Variants in OLFM2 observed in about 807,000 individuals in gnomAD.
OLFM2 encodes the protein noelin-2.
In OLFM2, 20 loss-of-function variants were observed where a neutral mutation model predicts 43.9. The observed-to-expected ratio is 0.46, with a 90% CI of 0.32 to 0.66. OLFM2 has a LOEUF of 0.66. Among genes scored for constraint, OLFM2 ranks in the 30% least tolerant of loss-of-function variants. The probability of loss-of-function intolerance (pLI) is 0.04; values close to 1 mark genes in which losing one functional copy is unlikely to be tolerated. For missense variants in OLFM2, 416 were observed against 643.6 expected (o/e 0.65, Z 3.83); for synonymous variants, 268 against 278.6 (o/e 0.96, Z 0.38).
At chr19:9,919,864 G>A (rs901441736) in intron 1 of OLFM2, among the ~76,000 whole-genome samples, 10 of 142,886 alleles carry the variant, frequency 7.0e-5, no homozygotes, top group African/African-American at 1.1e-4. Context: ...GTGAGAGCTC[G>A]GCTCACTGCA....
chr19:9,885,495 T>C (rs564935835), intron 1 of OLFM2, among the ~76,000 whole-genome samples: 3 of 152,258 alleles, frequency 2.0e-5, no homozygotes, highest in East Asian at 3.9e-4. Flanking sequence ...ACTGCCTAGA[T>C]GTACCCACCC....
At chr19:9,920,998 T>C (rs564274764) in intron 1 of OLFM2, among the ~76,000 whole-genome samples, 6 of 152,334 alleles carry the variant, frequency 3.9e-5, no homozygotes, top group Admixed American at 3.3e-4. Flanking sequence ...GAGATTTATT[T>C]AGTACTATCA....
chr19:9,936,421 G>T lies in OLFM2; in HGVS notation c.-55C>A. 1 of 1,165,080 alleles carries T rather than the reference G, an allele frequency of 8.6e-7. No homozygotes were observed. The highest frequency in any genetic ancestry group is 1.1e-6 in the Non-Finnish European group (1 of 946,540). 72.2% of individuals were successfully genotyped at this position (1,165,080 alleles called of 1,614,324 possible). A position where few individuals can be genotyped will look rare whatever the true frequency, so the allele number is the denominator to read the frequency against. On this transcript the variant is annotated 5_prime_UTR_variant, in exon 1 of 6. Coordinates refer to ENST00000264833, the MANE Select transcript of OLFM2 (RefSeq NM_058164.4). ...CCGCCCGCCCTAGCGGCGCCTCGGC[G>T]CGGGGACCGCCACCAGGCGCGACCC...
chr19:9,895,486 C>A (rs919918150), intron 1 of OLFM2, among the ~76,000 whole-genome samples: 38 of 142,846 alleles, frequency 2.7e-4, no homozygotes, highest in Non-Finnish European at 5.3e-4. Flanking sequence ...CAGAGTGAGA[C>A]CCTGTCTCAA....
chr19:9,918,382 G>A (rs2086399191), intron 1 of OLFM2, among the ~76,000 whole-genome samples: 1 of 151,834 alleles, frequency 6.6e-6, no homozygotes. Flanking sequence ...TGTAGAGATG[G>A]GGTCTCACTA....
At chr19:9,869,226 A>G (rs1386259871) in intron 1 of OLFM2, among the ~76,000 whole-genome samples, 1 of 152,166 alleles carries the variant, frequency 6.6e-6, no homozygotes, top group Non-Finnish European at 1.5e-5. Flanking sequence ...TATTTTTGGC[A>G]GGGATTTCTC....
At chr19:9,928,754 G>C (rs979155050) in intron 1 of OLFM2, among the ~76,000 whole-genome samples, 17 of 151,664 alleles carry the variant, frequency 1.1e-4, no homozygotes, top group Non-Finnish European at 2.9e-5. Context: ...GCAGTGAGAT[G>C]AGATCGTGCC....
intron 1 of OLFM2, among the ~76,000 whole-genome samples, chr19:9,882,649 C>CTCG (rs1461655385): frequency 6.6e-6 from 1 of 151,856 alleles, no homozygotes; most frequent in Non-Finnish European, 1.5e-5. Flanking sequence ...GTGGCTCACA[C>CTCG]TCGTAATCCC....
At chr19:9,916,695 CA>C (rs1275107321) in intron 1 of OLFM2, among the ~76,000 whole-genome samples, 10 of 152,278 alleles carry the variant, frequency 6.6e-5, no homozygotes, top group African/African-American at 2.4e-4. Context: ...TGCCTTAGTT[CA>C]GCGCATCCAG....
chr19:9,894,481 G>A (rs1300814248), intron 1 of OLFM2, among the ~76,000 whole-genome samples: 2 of 150,418 alleles, frequency 1.3e-5, no homozygotes, highest in Admixed American at 6.6e-5. Flanking sequence ...AGGCTGAGGC[G>A]GGCAGATCAC....
In OLFM2 at chr19:9,854,423, G is replaced by A; in HGVS notation, c.1128C>T (p.Ile376=). The A allele has an allele frequency of 1.2e-6, 2 of 1,614,226 alleles. No individual in the cohort carries two copies. The highest frequency in any genetic ancestry group is 1.3e-5 in the African/African-American group (1 of 75,060). ...PKRSAGEAFM[I]CGVLYVTNSH... ...AGTTGGTCACGTAGAGCACACCGCA[G>A]ATCATGAAGGCCTCGCCAGCGCTGC... The change falls in exon 6 of 6, where the codon ATC becomes ATT. Residue 376 remains isoleucine, a synonymous_variant. Coordinates refer to ENST00000264833, the MANE Select transcript of OLFM2 (RefSeq NM_058164.4). This position sits in a 1 kb window ranked among gnomAD's most constrained non-coding sequence, Gnocchi z 9.5.
chr19:9,881,097 C>T (rs2046536380), intron 1 of OLFM2, among the ~76,000 whole-genome samples: 2 of 152,158 alleles, frequency 1.3e-5, no homozygotes, highest in South Asian at 2.1e-4. Flanking sequence ...GGGGTTTTGC[C>T]ATGTTGGCCA....
chr19:9,876,441 T>C (rs918765355), intron 1 of OLFM2, among the ~76,000 whole-genome samples: 1 of 152,112 alleles, frequency 6.6e-6, no homozygotes, highest in African/African-American at 2.4e-5. Flanking sequence ...GTGACATTGA[T>C]CAACCTGCCA....
rs1185917764 is a variant in OLFM2, at chr19:9,854,089, GAGAC to G, written c.*93_*96del. On this transcript the variant is annotated 3_prime_UTR_variant, in exon 6 of 6. Transcript: ENST00000264833. The surrounding 1 kb of genome is among the most constrained non-coding windows in gnomAD (Gnocchi z 9.5). ...AAAGGCGGGGAGAAAGGGCGTGACA[GAGAC>G]AGAGAGATCACCCTTGAGGGACACA... The G allele has an allele frequency of 1.8e-6, 2 of 1,111,294 alleles. No individual in the cohort carries two copies. Among genetic ancestry groups the G allele is most frequent in the African/African-American group, 1.5e-5 (1 of 64,584 alleles). 68.8% of individuals were successfully genotyped at this position (1,111,294 alleles called of 1,614,324 possible).
At chr19:9,875,759 G>A (rs932819367) in intron 1 of OLFM2, among the ~76,000 whole-genome samples, 3 of 151,576 alleles carry the variant, frequency 2.0e-5, no homozygotes, top group South Asian at 2.1e-4. Flanking sequence ...CTCCCACCTC[G>A]GCCTCCCCAA....
At chr19:9,915,499 T>TGTTA (rs199778130) in intron 1 of OLFM2, among the ~76,000 whole-genome samples, 1 of 67,510 alleles carries the variant, frequency 1.5e-5, no homozygotes, top group East Asian at 3.0e-4. Context: ...GGGACTTTTT[T>TGTTA]ATTTATTTAT....
At chr19:9,917,752 C>CGTAGA (rs57597588) in intron 1 of OLFM2, among the ~76,000 whole-genome samples, 75,613 of 151,274 alleles carry the variant, frequency 0.5, 19,165 homozygotes, top group East Asian at 0.61. Context: ...CTCTGAAACA[C>CGTAGA]GTAGTTTGTT....
At chr19:9,926,254 A>G (rs1353253177) in intron 1 of OLFM2, among the ~76,000 whole-genome samples, 1 of 152,134 alleles carries the variant, frequency 6.6e-6, no homozygotes, top group Non-Finnish European at 1.5e-5. Context: ...TCAGCCTTTA[A>G]AAGGATGGAA....
chr19:9,857,183 C>T lies in OLFM2; in HGVS notation c.580+80G>A, dbSNP rs1412334348. On this transcript the variant is annotated intron_variant, in intron 4 of 5. Coordinates refer to ENST00000264833, the MANE Select transcript of OLFM2 (RefSeq NM_058164.4). This position sits in a 1 kb window ranked among gnomAD's most constrained non-coding sequence, Gnocchi z 5.7. ...AGTTAGAGGTCAAAACTGTGTCCAGCTTCTAGGCACAAACAGGTGATACTG... is the reference window on the plus strand; with the variant it reads ...AGTTAGAGGTCAAAACTGTGTCCAGTTTCTAGGCACAAACAGGTGATACTG... The T allele has an allele frequency of 1.5e-6, 2 of 1,358,262 alleles. No homozygotes were observed. The highest frequency in any genetic ancestry group is 1.2e-5 in the South Asian group (1 of 85,192). The allele number at this position is 1,358,262 out of a possible 1,614,324, so 84.1% of individuals were successfully genotyped here. A position where few individuals can be genotyped will look rare whatever the true frequency, so the allele number is the denominator to read the frequency against.
Sources: gnomAD v4.1 joint callset for allele counts (sites outside exome capture counted in the v4.1 genomes callset) on GRCh38, gnomAD v4.1.1 for gene constraint, Gnocchi (gnomAD v3.1) non-coding constraint, MANE v1.5 for transcripts, NCBI Gene and HGNC (gene_info 2026-07-23, HGNC 2026-07-21) for gene names.